TRPM4: variants seen among roughly 807,000 people sequenced by gnomAD.
TRPM4 encodes calcium-activated non-selective cation channel 1.
In TRPM4, 124 loss-of-function variants were observed where a neutral mutation model predicts 135.6. That is an observed-to-expected ratio of 0.91 (90% CI 0.79 to 1.06). TRPM4 has a LOEUF of 1.06. Ranked by LOEUF, TRPM4 falls within the 50% of genes least tolerant of loss-of-function variation. TRPM4 has a pLI of 0.00. For missense variants in TRPM4, 1,658 were observed against 1,671.4 expected, an observed-to-expected ratio of 0.99 and a Z score of 0.14; for synonymous variants, 745 against 705.6, an observed-to-expected ratio of 1.06 and a Z score of -0.88.
Position 49,167,906 on chromosome 19 carries a change from T to C in TRPM4, c.268-11T>C. On this transcript the variant is annotated splice_polypyrimidine_tract_variant and intron_variant, in intron 3 of 24. Coordinates refer to ENST00000252826, the MANE Select transcript of TRPM4 (RefSeq NM_017636.4). ...CCCCTCCCTGTGTGCCCCGCTCCCA[T>C]GTGTCCACAGTTCCTCCGGCTCTCT... 6.2e-7 allele frequency: 1 copy of C among 1,613,604 alleles called. No homozygotes were observed.
In TRPM4 at chr19:49,182,246, ATCCATCTG is replaced by A. The variant is rs150837215; in HGVS notation, c.1264-325_1264-318del. ...CATCCATCCATCCATCTATCCATCC[ATCCATCTG>A]TCCATCCATTCATCTGTCCATCCAT... is the stretch of plus-strand genomic sequence containing the variant. On this transcript the variant is annotated intron_variant, in intron 10 of 24. Transcript: ENST00000252826. Among the ~76,000 whole-genome samples the A allele has an allele frequency of 1.3e-4, 10 of 78,374 alleles. 1 individual carries two copies. The highest frequency in any genetic ancestry group is 3.2e-4 in the East Asian group (1 of 3,154). The allele number at this position is 78,374 out of a possible 152,430, so 51.4% of individuals were successfully genotyped here. A position where few individuals can be genotyped will look rare whatever the true frequency, so the allele number is the denominator to read the frequency against.
At chr19:49,197,330 TTCTTTCTTTC>T (rs1568485898) in intron 17 of TRPM4, among the ~76,000 whole-genome samples, 13 of 136,464 alleles carry the variant, frequency 9.5e-5, no homozygotes, top group African/African-American at 4.2e-4. Context: ...CTTTCTTTCT[TTCTTTCTTTC>T]TTTCTTTCTT....
intron 12 of TRPM4, among the ~76,000 whole-genome samples, chr19:49,185,242 A>G (rs1968156046): frequency 6.7e-6 from 1 of 149,624 alleles, no homozygotes; most frequent in South Asian, 2.1e-4. Flanking sequence ...TTATTTATTT[A>G]TTTGTTGTTC....
chr19:49,158,233 G>A lies in TRPM4; in HGVS notation c.66G>A (p.Thr22=). 6.2e-7 allele frequency: 1 copy of A among 1,613,896 alleles called. No individual in the cohort carries two copies. Among genetic ancestry groups the A allele is most frequent in the Non-Finnish European group, 8.5e-7 (1 of 1,179,952 alleles). ...TCTTCAAGAAGAAGACCTGCACGACGTTCATAGTTGACTCCACAGATCCGG... is the reference window on the plus strand; with the variant it reads ...TCTTCAAGAAGAAGACCTGCACGACATTCATAGTTGACTCCACAGATCCGG... ...PKIFKKKTCT[T]FIVDSTDPGG... Residue 22 remains threonine, a synonymous_variant, in exon 2 of 25, where the codon ACG becomes ACA. Transcript: ENST00000252826.
chr19:49,176,592 C>T (rs376232796), intron 9 of TRPM4, among the ~76,000 whole-genome samples: 2 of 152,166 alleles, frequency 1.3e-5, no homozygotes, highest in Non-Finnish European at 2.9e-5. Context: ...CAGTGGCTCA[C>T]GCCTATAATC....
intron 16 of TRPM4, among the ~76,000 whole-genome samples, chr19:49,194,762 C>A (rs1968567240): frequency 7.2e-6 from 1 of 139,296 alleles, no homozygotes; most frequent in East Asian, 2.3e-4. Context: ...CTCCCCCCAA[C>A]CCTTCCTTCC....
At chr19:49,164,741 C>T (rs193026752) in intron 2 of TRPM4, among the ~76,000 whole-genome samples, 1,801 of 150,094 alleles carry the variant, frequency 0.012, 44 homozygotes, top group African/African-American at 0.042. Flanking sequence ...TCCTTCTTTT[C>T]TTTTTTTTGA....
chr19:49,165,822 G>T lies in TRPM4; in HGVS notation c.93-219G>T, dbSNP rs549313406. On this transcript the variant is annotated intron_variant, in intron 2 of 24. Transcript: ENST00000252826. ...TGCTTCTTCCTGCTCAGGCTTTCTG[G>T]ACTCACTGGCTTCCTTCCCGTGGGG... 3.9e-5 allele frequency among the ~76,000 whole-genome samples: 6 copies of T among 152,260 alleles called. No homozygotes were observed. The South Asian group carries it at 1.2e-3, about 32-fold the overall frequency.
At chr19:49,161,321 C>CCTTTTTTTTTTTTTTTTTTTTTT (rs1568453064) in intron 2 of TRPM4, among the ~76,000 whole-genome samples, 1 of 108,966 alleles carries the variant, frequency 9.2e-6, no homozygotes, top group African/African-American at 3.2e-5. Context: ...CTGTCTCTCT[C>CCTTTTTTTTTTTTTTTTTTTTTT]TCTTTTTTTT....
chr19:49,173,888 A>G (rs7247960), intron 9 of TRPM4, among the ~76,000 whole-genome samples: 49,463 of 151,578 alleles, frequency 0.33, 8,375 homozygotes, highest in South Asian at 0.42. Flanking sequence ...CATGCTGGTC[A>G]TGAACTCCTG....
At chr19:49,187,134 G>C in intron 12 of TRPM4, among the ~76,000 whole-genome samples, 1 of 151,792 alleles carries the variant, frequency 6.6e-6, no homozygotes, top group East Asian at 1.9e-4. Context: ...AAGTGGGTAG[G>C]TTAAAATGTC....
chr19:49,208,446 C>T (rs1391793238), intron 20 of TRPM4, among the ~76,000 whole-genome samples: 2 of 152,108 alleles, frequency 1.3e-5, no homozygotes, highest in South Asian at 2.1e-4. Context: ...CAGATGCTGG[C>T]GTTACCGCTA....
chr19:49,158,104 G>A, intron 1 of TRPM4, 88 bp from the exon 2 acceptor site: 4 of 1,392,098 alleles, frequency 2.9e-6, no homozygotes, highest in South Asian at 2.3e-5. Flanking sequence ...CGTGGGGAGC[G>A]CACGGGGTGG....
intron 12 of TRPM4, among the ~76,000 whole-genome samples, chr19:49,186,487 C>T (rs960676424): frequency 6.6e-6 from 1 of 152,150 alleles, no homozygotes. Context: ...CTTTCATGGC[C>T]TCTTTCTTCC....
intron 12 of TRPM4, among the ~76,000 whole-genome samples, chr19:49,185,758 TG>T (rs1341454266): frequency 6.6e-6 from 1 of 151,786 alleles, no homozygotes; most frequent in African/African-American, 2.4e-5. Context: ...TTCTTTTTTT[TG>T]GGGGGAGGGG....
At chr19:49,192,532 C>G (rs998657563) in intron 16 of TRPM4, among the ~76,000 whole-genome samples, 1 of 152,192 alleles carries the variant, frequency 6.6e-6, no homozygotes, top group Non-Finnish European at 1.5e-5. Context: ...TTTGCAGTGA[C>G]ATGGTTGGAG....
At position 49,177,967 on chromosome 19, in the gene TRPM4, A is replaced by G. The variant is rs115468902; in HGVS notation, c.1151-3382A>G. 3.9e-3 allele frequency among the ~76,000 whole-genome samples: 589 copies of G among 152,300 alleles called. 3 individuals are homozygous for G. Among genetic ancestry groups the G allele is most frequent in the African/African-American group, 0.014 (565 of 41,562 alleles). Reference sequence around the variant, plus strand: ...GTAGGGCCAAACCACCCAGGACCTCAAATGCCAGGCAGAGGGGCTAAGGCT... The same window carrying G: ...GTAGGGCCAAACCACCCAGGACCTCGAATGCCAGGCAGAGGGGCTAAGGCT... On this transcript the variant is annotated intron_variant, in intron 9 of 24. Transcript: ENST00000252826.
chr19:49,208,734 G>C (rs183265225), intron 20 of TRPM4, among the ~76,000 whole-genome samples: 1 of 151,704 alleles, frequency 6.6e-6, no homozygotes, highest in Non-Finnish European at 1.5e-5. Flanking sequence ...TTGTGCCCTC[G>C]GTCTCTTGCC....
At chr19:49,207,636 CAAA>C (rs34758808) in intron 20 of TRPM4, among the ~76,000 whole-genome samples, 1,325 of 38,958 alleles carry the variant, frequency 0.034, 25 homozygotes, top group African/African-American at 0.094. Context: ...AACCTTGTCT[CAAA>C]AAAAAAAAAA....
Sources: gnomAD v4.1 joint callset for allele counts (sites outside exome capture counted in the v4.1 genomes callset) on GRCh38, gnomAD v4.1.1 for gene constraint, MANE v1.5 for transcripts, NCBI Gene and HGNC (gene_info 2026-07-23, HGNC 2026-07-21) for gene names.